The following PPP4R3A variants were observed in gnomAD, a reference collection of about 807,000 sequenced individuals.
PPP4R3A encodes serine/threonine-protein phosphatase 4 regulatory subunit 3A.
A neutral mutation model predicts 91.7 loss-of-function variants in PPP4R3A; 15 were observed. The observed-to-expected ratio is 0.16, with a 90% CI of 0.11 to 0.25. The LOEUF (loss-of-function observed/expected upper bound fraction) is 0.25, where lower values mean the gene tolerates loss of function less well. PPP4R3A is among the 10% of genes least tolerant of loss of function. The pLI, the probability that PPP4R3A is intolerant of heterozygous loss-of-function variation, is 1.00. For synonymous variants in PPP4R3A, 377 were observed against 348.7 expected (o/e 1.08, Z -0.91); for missense variants, 623 against 998.4 (o/e 0.62, Z 5.07).
At chr14:91,490,019 ATCT>A (rs33999453) in intron 2 of PPP4R3A, among the ~76,000 whole-genome samples, 13,793 of 152,172 alleles carry the variant, frequency 0.091, 1,215 homozygotes, top group East Asian at 0.44. Context: ...CAAGCTGGTA[ATCT>A]TCTTTCTTCT....
chr14:91,496,564 A>G (rs1200220076), intron 1 of PPP4R3A, among the ~76,000 whole-genome samples: 1 of 152,200 alleles, frequency 6.6e-6, no homozygotes, highest in Non-Finnish European at 1.5e-5. Flanking sequence ...GAGGGAAAAA[A>G]AGGTTTGACG....
In PPP4R3A at chr14:91,470,615, A is replaced by G. The variant is rs1047274684; in HGVS notation, c.1660+222T>C. On this transcript the variant is annotated intron_variant, in intron 10 of 14. Transcript: ENST00000554943. ...CAAAGTGCTGTTTTAGTAATGGAAT[A>G]TAACACTGTAGATACATTCTACTCC... is the stretch of plus-strand genomic sequence containing the variant. Among the ~76,000 whole-genome samples, 11 of 152,328 alleles carry G rather than the reference A, an allele frequency of 7.2e-5. No homozygotes were observed. In the East Asian group the frequency reaches 9.6e-4, roughly 13 times the overall value.
chr14:91,507,258 T>C (rs1002024164), intron 1 of PPP4R3A, among the ~76,000 whole-genome samples: 1 of 150,122 alleles, frequency 6.7e-6, no homozygotes, highest in Non-Finnish European at 1.5e-5. Context: ...GAGATGGAGG[T>C]TGCAGTGAGC....
In PPP4R3A at chr14:91,458,559, T is replaced by TAAGTCTTTCCCCTAAATATATG; in HGVS notation, c.*178_*199dup. The TAAGTCTTTCCCCTAAATATATG allele has an allele frequency of 2.6e-6, 2 of 760,908 alleles. No individual in the cohort carries two copies. The highest frequency in any genetic ancestry group is 4.5e-6 in the Non-Finnish European group (2 of 441,514). The allele number at this position is 760,908 out of a possible 1,614,324, so 47.1% of individuals were successfully genotyped here. ...GTCCAAGCTGGAGAGCTCAAAGGCTTAAGTCTTTCCCCTAAATATATGATA... is the reference window on the plus strand; with the variant it reads ...GTCCAAGCTGGAGAGCTCAAAGGCTTAAGTCTTTCCCCTAAATATATGAAGTCTTTCCCCTAAATATATGATA... On this transcript the variant is annotated 3_prime_UTR_variant, in exon 15 of 15. Coordinates refer to ENST00000554943, the MANE Select transcript of PPP4R3A (RefSeq NM_001366432.2).
intron 2 of PPP4R3A, among the ~76,000 whole-genome samples, chr14:91,490,340 A>G (rs982144139): frequency 3.3e-5 from 5 of 151,880 alleles, no homozygotes; most frequent in Admixed American, 6.6e-5. Flanking sequence ...TGTAAAAGAA[A>G]TCAGATTCAT....
In PPP4R3A at chr14:91,457,899, T is replaced by C. The variant is rs1351613695; in HGVS notation, c.*860A>G. On this transcript the variant is annotated 3_prime_UTR_variant, in exon 15 of 15. Coordinates refer to ENST00000554943, the MANE Select transcript of PPP4R3A (RefSeq NM_001366432.2). ...GCACATAGTTGTAAGATTACTTTGC[T>C]TTTGTCAATAAAAACTATACCATCT... The C allele has an allele frequency of 6.5e-6, 1 of 152,706 alleles. No individual in the cohort carries two copies. The highest frequency in any genetic ancestry group is 1.9e-4 in the East Asian group (1 of 5,188). 9.5% of individuals were successfully genotyped at this position (152,706 alleles called of 1,614,324 possible).
chr14:91,508,974 A>C (rs1891582271), intron 1 of PPP4R3A, among the ~76,000 whole-genome samples: 1 of 152,244 alleles, frequency 6.6e-6, no homozygotes, highest in Non-Finnish European at 1.5e-5. Flanking sequence ...TAGAGTTGCC[A>C]GATACAGTGT....
intron 1 of PPP4R3A, 22 bp downstream of exon 1, chr14:91,509,484 C>T: frequency 1.3e-6 from 2 of 1,570,590 alleles, no homozygotes; most frequent in Non-Finnish European, 1.7e-6. Flanking sequence ...GCGAGGGTCC[C>T]GCCGCGCGGG....
intron 5 of PPP4R3A, 68 bp downstream of exon 5, chr14:91,476,841 C>T (rs147432318): frequency 0.016 from 21,763 of 1,345,556 alleles, 240 homozygotes; most frequent in Non-Finnish European, 0.019. Context: ...CTGGGATTTA[C>T]AGGCGTGAGC....
In PPP4R3A at chr14:91,509,785, G is replaced by C. The variant is rs974664480; in HGVS notation, c.-138C>G. 185 of 1,254,416 alleles carry C rather than the reference G, an allele frequency of 1.5e-4. No homozygotes were observed. The highest frequency in any genetic ancestry group is 1.7e-4 in the Non-Finnish European group (171 of 1,004,222). 77.7% of individuals were successfully genotyped at this position (1,254,416 alleles called of 1,614,324 possible). A position where few individuals can be genotyped will look rare whatever the true frequency, so the allele number is the denominator to read the frequency against. On this transcript the variant is annotated 5_prime_UTR_variant, in exon 1 of 15. Transcript: ENST00000554943. ...CTCACTGCCGCCGCTGGGCGCCGCG[G>C]GGCCGCGCCGCCGCCTGCATGGCCC... is the stretch of plus-strand genomic sequence containing the variant.
chr14:91,468,574 CAGG>C (rs201157276), intron 10 of PPP4R3A, among the ~76,000 whole-genome samples: 2,121 of 135,844 alleles, frequency 0.016, 54 homozygotes, highest in African/African-American at 0.055. Context: ...GAGGCTGAGG[CAGG>C]AGAATTGCTT....
Position 91,475,898 on chromosome 14 carries a change from T to C in PPP4R3A, c.1179A>G (p.Pro393=). The C allele has an allele frequency of 6.2e-7, 1 of 1,613,556 alleles. No homozygotes were observed. The highest frequency in any genetic ancestry group is 8.5e-7 in the Non-Finnish European group (1 of 1,179,896). ...GCATGACAAACTCTCGTACCATGGA[T>C]GGATTATATTCAACCAAGTATGAGA... ...DIFSYLVEYN[P]SMVREFVMQE... is the part of the protein sequence containing the mutation. The change falls in exon 7 of 15, where the codon CCA becomes CCG. Residue 393 remains proline (P), a synonymous_variant. Coordinates refer to ENST00000554943, the MANE Select transcript of PPP4R3A (RefSeq NM_001366432.2).
intron 1 of PPP4R3A, among the ~76,000 whole-genome samples, chr14:91,498,258 C>G (rs1013469039): frequency 9.2e-5 from 14 of 151,814 alleles, no homozygotes; most frequent in African/African-American, 3.4e-4. Context: ...TTGCTTGAAC[C>G]TGGGAGGCAG....
Position 91,509,941 on chromosome 14 carries a change from C to A in PPP4R3A, c.-294G>T. The A allele has an allele frequency of 9.7e-7, 1 of 1,030,076 alleles. No homozygotes were observed. The allele number at this position is 1,030,076 out of a possible 1,614,324, so 63.8% of individuals were successfully genotyped here. A position where few individuals can be genotyped will look rare whatever the true frequency, so the allele number is the denominator to read the frequency against. On this transcript the variant is annotated 5_prime_UTR_variant, in exon 1 of 15. Transcript: ENST00000554943. Reference sequence around the variant, plus strand: ...CGCAGCGCTTCGTAGCCTCCCGCCCCGCAGCGCTAGGAACTCGGGGCTCCC... The same window carrying A: ...CGCAGCGCTTCGTAGCCTCCCGCCCAGCAGCGCTAGGAACTCGGGGCTCCC...
Position 91,476,932 on chromosome 14 carries a change from C to G in PPP4R3A, c.970G>C (p.Asp324His). The G allele has an allele frequency of 6.2e-7, 1 of 1,600,584 alleles. No individual in the cohort carries two copies. The highest frequency in any genetic ancestry group is 8.5e-7 in the Non-Finnish European group (1 of 1,172,378). ...ACCAATTCCTGTCTTTTTTCCTCAT[C>G]TGTTGCTTCATCTGTTAGTTGTGCA... ...LFAQLTDEAT[D>H]EEKRQELVNF... Residue 324 changes from aspartate to histidine, a missense_variant, in exon 5 of 15, where the codon GAT (aspartate) becomes CAT (histidine). Asp to His is a moderately conservative substitution (Grantham distance 81). This residue lies in a region of PPP4R3A where 264 missense variants were observed against 377.3 expected (regional missense o/e 0.70). Coordinates refer to ENST00000554943, the MANE Select transcript of PPP4R3A (RefSeq NM_001366432.2).
At position 91,490,742 on chromosome 14, in the gene PPP4R3A, T is replaced by G. The variant is rs1890184888; in HGVS notation, c.198+5A>C. The G allele has an allele frequency of 6.2e-7, 1 of 1,606,790 alleles. No individual in the cohort carries two copies. Among genetic ancestry groups the G allele is most frequent in the African/African-American group, 1.3e-5 (1 of 74,602 alleles). On this transcript the variant is annotated splice_donor_5th_base_variant and intron_variant, in intron 2 of 14. Coordinates refer to ENST00000554943, the MANE Select transcript of PPP4R3A (RefSeq NM_001366432.2). ...GCAAGATAAAACACATCTTCAAAAT[T>G]TTACCTGTTGTTTCTGGTATGCAGT...
intron 2 of PPP4R3A, among the ~76,000 whole-genome samples, chr14:91,490,171 T>C (rs996440935): frequency 4.6e-5 from 7 of 152,254 alleles, no homozygotes; most frequent in African/African-American, 1.2e-4. Flanking sequence ...ATGAATACCA[T>C]TTAATAACAG....
chr14:91,501,549 TG>T (rs1042958461), intron 1 of PPP4R3A, among the ~76,000 whole-genome samples: 1 of 151,960 alleles, frequency 6.6e-6, no homozygotes, highest in Non-Finnish European at 1.5e-5. Context: ...CCCAGCTACT[TG>T]GGACACTGAG....
chr14:91,479,686 C>T (rs944230867), intron 4 of PPP4R3A, among the ~76,000 whole-genome samples: 5 of 152,048 alleles, frequency 3.3e-5, no homozygotes, highest in South Asian at 2.1e-4. Context: ...GGATTACAGG[C>T]GTCCACCATC....
Sources: gnomAD v4.1 joint callset for allele counts (sites outside exome capture counted in the v4.1 genomes callset) on GRCh38, gnomAD v4.1.1 for gene constraint, gnomAD v4.1.1 regional missense constraint, MANE v1.5 for transcripts, NCBI Gene and HGNC (gene_info 2026-07-23, HGNC 2026-07-21) for gene names.